Variants in DIAPH2 observed in about 807,000 individuals in gnomAD.
The protein encoded by DIAPH2 is protein diaphanous homolog 2.
Under a neutral mutation model 92.7 loss-of-function variants are expected in DIAPH2, and 35 were observed. The observed-to-expected ratio is 0.38, with a 90% CI of 0.29 to 0.50. The LOEUF (loss-of-function observed/expected upper bound fraction) is 0.50. Among genes scored for constraint, DIAPH2 ranks in the 20% least tolerant of loss-of-function variants. DIAPH2 has a pLI of 0.94. For synonymous variants in DIAPH2, 301 were observed against 280.4 expected, an observed-to-expected ratio of 1.07 and a Z score of -0.73; for missense variants, 701 against 819.5, an observed-to-expected ratio of 0.86 and a Z score of 1.77.
chrX:96,990,304 C>T (rs771050259), intron 17 of DIAPH2, among the ~76,000 whole-genome samples: 1 of 112,429 alleles, frequency 8.9e-6, no homozygotes, highest in South Asian at 3.7e-4. Context: ...ATTCATTGCA[C>T]AAGGGTGCCT....
intron 22 of DIAPH2, among the ~76,000 whole-genome samples, chrX:97,238,564 T>A (rs957489232): frequency 9.5e-6 from 1 of 105,797 alleles, no homozygotes. Context: ...GGTGACTTTT[T>A]AACAGGTTTT....
intron 4 of DIAPH2, among the ~76,000 whole-genome samples, chrX:96,785,475 CTTTTTT>C (rs1157552270): frequency 1.7e-5 from 1 of 57,203 alleles, no homozygotes; most frequent in Non-Finnish European, 3.2e-5. Flanking sequence ...CCAAACTTGC[CTTTTTT>C]TTTTTTTTTT....
Position 96,850,142 on chromosome X carries a change from C to T in DIAPH2, c.448-31437C>T, listed in dbSNP as rs758376211. 2.7e-5 allele frequency among the ~76,000 whole-genome samples: 3 copies of T among 111,074 alleles called. No homozygotes were observed. The South Asian group carries it at 1.1e-3, about 42-fold the overall frequency. On this transcript the variant is annotated intron_variant, in intron 4 of 26. Transcript: ENST00000324765. Reference sequence around the variant, plus strand: ...CCTCTTGGTACAGTAAATAGTAAACCCCACTGGACCAAATCCTAATAGTAT... The same window carrying T: ...CCTCTTGGTACAGTAAATAGTAAACTCCACTGGACCAAATCCTAATAGTAT...
At chrX:96,811,143 T>A (rs1426669636) in intron 4 of DIAPH2, among the ~76,000 whole-genome samples, 1 of 112,008 alleles carries the variant, frequency 8.9e-6, no homozygotes, top group Non-Finnish European at 1.9e-5. Flanking sequence ...ATTCTTCCTA[T>A]CCATGAGCAT....
At chrX:97,075,299 A>G in intron 19 of DIAPH2, 38 bp downstream of exon 19, 1 of 975,706 alleles carries the variant, frequency 1.0e-6, no homozygotes, top group African/African-American at 1.9e-5. Context: ...TCATTTTCAC[A>G]GATTTTTTTG....
intron 25 of DIAPH2, among the ~76,000 whole-genome samples, chrX:97,428,746 G>C (rs142417829): frequency 8.5e-4 from 94 of 110,865 alleles, no homozygotes; most frequent in African/African-American, 3.0e-3. Context: ...CACCTATTTA[G>C]GGTCCTTTTC....
At chrX:97,509,471 CTTTTTTTTTTTTTTTTTT>C (rs57153955) in intron 26 of DIAPH2, among the ~76,000 whole-genome samples, 8 of 6,736 alleles carry the variant, frequency 1.2e-3, no homozygotes, top group African/African-American at 5.6e-3. Flanking sequence ...ATTCATGTTG[CTTTTTTTTTTTTTTTTTT>C]TTTTTTTTTA....
intron 4 of DIAPH2, among the ~76,000 whole-genome samples, chrX:96,803,488 G>A (rs756020223): frequency 1.8e-5 from 2 of 111,091 alleles, no homozygotes; most frequent in African/African-American, 6.5e-5. Flanking sequence ...TCTCCACAGC[G>A]TATATTATGT....
At chrX:97,438,114 C>T (rs1162051198) in intron 26 of DIAPH2, among the ~76,000 whole-genome samples, 1 of 101,169 alleles carries the variant, frequency 9.9e-6, no homozygotes, top group Non-Finnish European at 2.0e-5. Flanking sequence ...TAGTGAGACC[C>T]TCTCTTTAAA....
At chrX:97,438,346 T>TG (rs1245143950) in intron 26 of DIAPH2, among the ~76,000 whole-genome samples, 2 of 94,808 alleles carry the variant, frequency 2.1e-5, no homozygotes, top group Admixed American at 1.2e-4. Context: ...TTGTTTTTTT[T>TG]TTTTGTTTGT....
intron 23 of DIAPH2, among the ~76,000 whole-genome samples, chrX:97,313,434 A>G (rs2068813969): frequency 9.0e-6 from 1 of 111,694 alleles, no homozygotes; most frequent in South Asian, 3.8e-4. Flanking sequence ...ATGTGATTTC[A>G]ACTTTGTCAT....
chrX:96,930,651 C>G (rs2065613273), intron 9 of DIAPH2, 82 bp from the exon 10 acceptor site: 1 of 649,252 alleles, frequency 1.5e-6, no homozygotes, highest in South Asian at 2.9e-5. Context: ...GTGTGTATGC[C>G]TTTAGTGAAT....
intron 23 of DIAPH2, among the ~76,000 whole-genome samples, chrX:97,307,636 C>T (rs935404490): frequency 6.3e-5 from 7 of 110,967 alleles, no homozygotes; most frequent in South Asian, 3.9e-4. Context: ...AGGCTGGGTG[C>T]GGTGGCTCAC....
chrX:96,773,624 C>T (rs1328240017), intron 4 of DIAPH2, among the ~76,000 whole-genome samples: 5 of 111,238 alleles, frequency 4.5e-5, no homozygotes, highest in Admixed American at 3.8e-4. Context: ...CCGAGGCAGG[C>T]GGATCACTTG....
At chrX:96,714,265 GTTT>G (rs756277085) in intron 1 of DIAPH2, among the ~76,000 whole-genome samples, 1 of 87,740 alleles carries the variant, frequency 1.1e-5, no homozygotes. Flanking sequence ...TTGTGTGTGT[GTTT>G]TTTTTTTTTT....
intron 19 of DIAPH2, among the ~76,000 whole-genome samples, chrX:97,077,738 G>C (rs1569295774): frequency 8.9e-6 from 1 of 112,022 alleles, no homozygotes; most frequent in Admixed American, 9.5e-5. Flanking sequence ...CCAGCTCTAA[G>C]TTGAAGCTTA....
At chrX:97,328,516 C>G (rs2068970748) in intron 23 of DIAPH2, among the ~76,000 whole-genome samples, 2 of 111,553 alleles carry the variant, frequency 1.8e-5, no homozygotes, top group Admixed American at 1.9e-4. Context: ...TTCTCTGGAC[C>G]TAGCATCTAT....
intron 3 of DIAPH2, among the ~76,000 whole-genome samples, chrX:96,746,631 G>A (rs1441564882): frequency 9.1e-6 from 1 of 110,187 alleles, no homozygotes. Flanking sequence ...ATGGCTCACT[G>A]TGGCCTTGAC....
chrX:96,724,478 A>G (rs1602455812), intron 1 of DIAPH2, among the ~76,000 whole-genome samples: 1 of 112,150 alleles, frequency 8.9e-6, no homozygotes, highest in East Asian at 2.8e-4. Flanking sequence ...GACGTCTCAT[A>G]CACACTGAGT....
Sources: allele counts gnomAD v4.1 joint callset (sites outside exome capture counted in the v4.1 genomes callset), GRCh38; gene constraint gnomAD v4.1.1; transcripts MANE v1.5; gene names NCBI Gene and HGNC (gene_info 2026-07-23, HGNC 2026-07-21).